Variants in UBASH3B observed in about 807,000 individuals in gnomAD.
The protein encoded by UBASH3B is ubiquitin-associated and SH3 domain-containing protein B.
UBASH3B carries 37 observed loss-of-function variants against 83.4 expected under a neutral mutation model. The ratio of observed to expected loss-of-function variants is 0.44; its 90% CI spans 0.34 to 0.58. The LOEUF is 0.58. UBASH3B is among the 20% of genes least tolerant of loss of function. The probability of loss-of-function intolerance (pLI) is 0.01; values close to 1 mark genes in which losing one functional copy is unlikely to be tolerated. For synonymous variants in UBASH3B, 304 were observed against 318.3 expected (o/e 0.96, Z 0.48); for missense variants, 657 against 827.2 (o/e 0.79, Z 2.52).
chr11:122,783,261 G>C, intron 5 of UBASH3B, 39 bp downstream of exon 5: 2 of 1,601,970 alleles, frequency 1.2e-6, no homozygotes, highest in Non-Finnish European at 1.7e-6. Context: ...ACCAGGTGCA[G>C]GGATGCAATC....
intron 1 of UBASH3B, among the ~76,000 whole-genome samples, chr11:122,715,180 C>T (rs904977903): frequency 1.3e-5 from 2 of 152,158 alleles, no homozygotes. Context: ...CTCCTGACCT[C>T]GTGATCCGCC....
chr11:122,790,779 T>C (rs1861039786), intron 6 of UBASH3B, among the ~76,000 whole-genome samples: 1 of 151,652 alleles, frequency 6.6e-6, no homozygotes, highest in Non-Finnish European at 1.5e-5. Context: ...AAACCGCGTC[T>C]CTACCAAAAA....
chr11:122,779,361 C>A, intron 3 of UBASH3B, 136 bp from the exon 4 acceptor site: 1 of 888,886 alleles, frequency 1.1e-6, no homozygotes, highest in Non-Finnish European at 1.8e-6. Flanking sequence ...CCTCTCTCCC[C>A]ACAGACAGGG....
At chr11:122,694,699 C>T (rs958937624) in intron 1 of UBASH3B, among the ~76,000 whole-genome samples, 1 of 152,074 alleles carries the variant, frequency 6.6e-6, no homozygotes, top group African/African-American at 2.4e-5. Flanking sequence ...TATTGATAAT[C>T]GGAAGCCAGT....
intron 1 of UBASH3B, among the ~76,000 whole-genome samples, chr11:122,721,138 T>A (rs950089545): frequency 5.3e-5 from 8 of 149,982 alleles, no homozygotes; most frequent in South Asian, 4.2e-4. Flanking sequence ...CCAGCTACTC[T>A]GGAGGCTGAG....
intron 1 of UBASH3B, among the ~76,000 whole-genome samples, chr11:122,729,045 A>G (rs1860793697): frequency 6.6e-6 from 1 of 152,208 alleles, no homozygotes; most frequent in African/African-American, 2.4e-5. Flanking sequence ...TTAACTAGAA[A>G]GATCAAATCA....
At chr11:122,694,954 CTTTTTTTTTT>C (rs71054088) in intron 1 of UBASH3B, among the ~76,000 whole-genome samples, 3 of 50,414 alleles carry the variant, frequency 6.0e-5, no homozygotes, top group Non-Finnish European at 1.1e-4. Flanking sequence ...TCTTTTCTTT[CTTTTTTTTTT>C]TTTTTTTTTT....
chr11:122,688,936 G>A (rs988144259), intron 1 of UBASH3B, among the ~76,000 whole-genome samples: 1 of 149,822 alleles, frequency 6.7e-6, no homozygotes, highest in Non-Finnish European at 1.5e-5. Context: ...GAGCCACCGC[G>A]CCCGGCTAAT....
chr11:122,671,208 A>G (rs978814605), intron 1 of UBASH3B, among the ~76,000 whole-genome samples: 18 of 152,160 alleles, frequency 1.2e-4, no homozygotes, highest in African/African-American at 4.3e-4. Context: ...TGGCCTCGCA[A>G]GTTCAGAGCT....
intron 1 of UBASH3B, among the ~76,000 whole-genome samples, chr11:122,737,389 G>A (rs1047526808): frequency 6.6e-6 from 1 of 152,132 alleles, no homozygotes; most frequent in Non-Finnish European, 1.5e-5. Context: ...AAATTTAGGA[G>A]GCACACATGG....
At chr11:122,737,703 G>A (rs10892891) in intron 1 of UBASH3B, among the ~76,000 whole-genome samples, 57,743 of 151,866 alleles carry the variant, frequency 0.38, 11,349 homozygotes, top group East Asian at 0.53. Flanking sequence ...CAAAATTGGC[G>A]GGGAAAAAGG....
intron 11 of UBASH3B, 99 bp downstream of exon 11, chr11:122,801,431 C>A: frequency 1.4e-6 from 2 of 1,387,340 alleles, no homozygotes; most frequent in Non-Finnish European, 2.0e-6. Context: ...TGGACATCAC[C>A]TACAGGCAGT....
At chr11:122,799,104 A>T (rs878864681) in intron 10 of UBASH3B, 70 bp downstream of exon 10, 2 of 1,287,508 alleles carry the variant, frequency 1.6e-6, no homozygotes, top group Non-Finnish European at 2.2e-6. Flanking sequence ...CACATAAATT[A>T]TCTTAGAGCC....
Position 122,778,960 on chromosome 11 carries a change from T to C in UBASH3B, c.403-537T>C, listed in dbSNP as rs114460925. Among the ~76,000 whole-genome samples, 438 of 152,268 alleles carry C rather than the reference T, an allele frequency of 2.9e-3. 1 individual carries two copies. The highest frequency in any genetic ancestry group is 9.7e-3 in the African/African-American group (404 of 41,550). On this transcript the variant is annotated intron_variant, in intron 3 of 13. Transcript: ENST00000284273. ...ACATTTATGGCGTATAACATGATGGTTGAATATATGTATGCATTGTGGAGT... is the reference window on the plus strand; with the variant it reads ...ACATTTATGGCGTATAACATGATGGCTGAATATATGTATGCATTGTGGAGT...
chr11:122,731,169 C>T (rs565795174), intron 1 of UBASH3B, among the ~76,000 whole-genome samples: 1 of 152,336 alleles, frequency 6.6e-6, no homozygotes, highest in South Asian at 2.1e-4. Flanking sequence ...ACAAATTTAA[C>T]ACCTTTTCCA....
intron 1 of UBASH3B, among the ~76,000 whole-genome samples, chr11:122,666,972 T>G (rs1291202364): frequency 6.6e-6 from 1 of 151,212 alleles, no homozygotes; most frequent in South Asian, 2.1e-4. Flanking sequence ...CCTATGAAGA[T>G]GCACAGTGAT....
At chr11:122,717,113 C>T (rs1470070008) in intron 1 of UBASH3B, among the ~76,000 whole-genome samples, 1 of 152,156 alleles carries the variant, frequency 6.6e-6, no homozygotes, top group African/African-American at 2.4e-5. Context: ...CTCAAAGCTA[C>T]CACTGTATGA....
intron 1 of UBASH3B, among the ~76,000 whole-genome samples, chr11:122,719,577 T>C (rs1860586965): frequency 6.6e-6 from 1 of 152,150 alleles, no homozygotes; most frequent in South Asian, 2.1e-4. Context: ...TCAAGGAGCC[T>C]CCCAGCAAAG....
At chr11:122,683,979 T>G (rs1863778699) in intron 1 of UBASH3B, among the ~76,000 whole-genome samples, 1 of 152,218 alleles carries the variant, frequency 6.6e-6, no homozygotes, top group Admixed American at 6.5e-5. Flanking sequence ...TGTAGTTCCT[T>G]TAAGTTGATA....
Sources: allele counts gnomAD v4.1 joint callset (sites outside exome capture counted in the v4.1 genomes callset), GRCh38; gene constraint gnomAD v4.1.1; transcripts MANE v1.5; gene names NCBI Gene and HGNC (gene_info 2026-07-23, HGNC 2026-07-21).